CORIN: variants seen among roughly 807,000 people sequenced by gnomAD.
CORIN encodes corin, serine peptidase, also known as atrial natriuretic peptide-converting enzyme.
CORIN carries 117 observed loss-of-function variants against 125.3 expected under a neutral mutation model. The observed-to-expected ratio is 0.93, with a 90% confidence interval of 0.80 to 1.09. CORIN has a LOEUF of 1.09. Ranked by LOEUF, CORIN falls within the 50% of genes least tolerant of loss-of-function variation. The pLI is 0.00. For synonymous variants in CORIN, 450 were observed against 466.4 expected, an observed-to-expected ratio of 0.96 and a Z score of 0.45; for missense variants, 1,253 against 1,306.7, an observed-to-expected ratio of 0.96 and a Z score of 0.63.
At chr4:47,832,066 T>G (rs556004560) in intron 1 of CORIN, among the ~76,000 whole-genome samples, 8 of 152,304 alleles carry the variant, frequency 5.3e-5, no homozygotes, top group African/African-American at 1.9e-4. Flanking sequence ...GTGCTTTCAT[T>G]CTTGTAAAAA....
intron 5 of CORIN, among the ~76,000 whole-genome samples, chr4:47,698,266 TTAA>T (rs1726120390): frequency 6.6e-6 from 1 of 151,654 alleles, no homozygotes; most frequent in Non-Finnish European, 1.5e-5. Flanking sequence ...GGTAATAACA[TTAA>T]TATTATTAAT....
rs536071631 is a variant in CORIN at position 47,661,659 on chromosome 4, T to C, written c.1735+52A>G. On this transcript the variant is annotated intron_variant, in intron 12 of 21. Coordinates refer to ENST00000273857, the MANE Select transcript of CORIN (RefSeq NM_006587.4). The stretch of plus-strand genomic sequence containing the variant: ...AAATAGAAGAAATTCAAAAGGTAGC[T>C]AACATGTTCATCCATGTTAGATACC... 2.2e-5 allele frequency: 33 copies of C among 1,484,340 alleles called. No individual in the cohort carries two copies. In the Admixed American group the frequency reaches 3.7e-4, roughly 17 times the overall value. 91.9% of individuals were successfully genotyped at this position (1,484,340 alleles called of 1,614,324 possible).
At chr4:47,699,828 CT>C (rs1726207572) in intron 5 of CORIN, among the ~76,000 whole-genome samples, 1 of 152,236 alleles carries the variant, frequency 6.6e-6, no homozygotes, top group Non-Finnish European at 1.5e-5. Context: ...GGCATTTGCT[CT>C]TAGTAGGACA....
rs888462507 is a variant in CORIN at position 47,837,933 on chromosome 4, G to A, written c.17C>T (p.Ala6Val). 1.2e-6 allele frequency: 2 copies of A among 1,613,388 alleles called. No homozygotes were observed. The highest frequency in any genetic ancestry group is 1.7e-6 in the Non-Finnish European group (2 of 1,180,012). The change falls in exon 1 of 22, where the codon GCC becomes GTC. Residue 6 changes from alanine to valine, a missense_variant. By Grantham distance (64) the Ala-to-Val change is moderately conservative (BLOSUM62 0). Transcript: ENST00000273857. ...GCGGCAGCGCTCTTCCGGAGCGAGG[G>A]CAGGAGACTGTTTCATGGATAAAAA... MKQSP[A>V]LAPEERCRRA...
In CORIN at chr4:47,594,666, G is replaced by A. The variant is rs928775429; in HGVS notation, c.*1055C>T. 4 of 152,034 alleles carry A rather than the reference G, an allele frequency of 2.6e-5. No individual in the cohort carries two copies. The highest frequency in any genetic ancestry group is 4.4e-5 in the Non-Finnish European group (3 of 67,996). 9.4% of individuals were successfully genotyped at this position (152,034 alleles called of 1,614,324 possible). Reference sequence around the variant, plus strand: ...TATGACTTTGTTGGTATGGATGAACGCAAGAAAACTGAAAAATAAATTTAA... The same window carrying A: ...TATGACTTTGTTGGTATGGATGAACACAAGAAAACTGAAAAATAAATTTAA... On this transcript the variant is annotated 3_prime_UTR_variant, in exon 22 of 22. Transcript: ENST00000273857.
rs935108418 is a variant in CORIN, at chr4:47,699,756, A to G, written c.800-6673T>C. Among the ~76,000 whole-genome samples the G allele has an allele frequency of 7.8e-4, 118 of 152,228 alleles. 9 individuals are homozygous for G. Among genetic ancestry groups the G allele is most frequent in the Non-Finnish European group, 4.4e-5 (3 of 68,042 alleles). ...GAATAAACTACTGATGCAGGAATAA[A>G]AATCCCTTTGTGTTACAGTGTGATG... is the stretch of plus-strand genomic sequence containing the variant. On this transcript the variant is annotated intron_variant, in intron 5 of 21. Transcript: ENST00000273857.
intron 4 of CORIN, among the ~76,000 whole-genome samples, chr4:47,753,239 C>T (rs1016347604): frequency 2.0e-5 from 3 of 152,082 alleles, no homozygotes; most frequent in African/African-American, 7.2e-5. Flanking sequence ...TCACAAAGAT[C>T]ACATGCTTTA....
chr4:47,732,641 G>A (rs547166044), intron 5 of CORIN, among the ~76,000 whole-genome samples: 2 of 149,214 alleles, frequency 1.3e-5, no homozygotes, highest in South Asian at 4.2e-4. Context: ...TCAGCTCACT[G>A]CAACCTCCGC....
At chr4:47,610,072 C>T (rs993115632) in intron 19 of CORIN, among the ~76,000 whole-genome samples, 3 of 152,152 alleles carry the variant, frequency 2.0e-5, no homozygotes, top group African/African-American at 7.2e-5. Flanking sequence ...CATATGCATG[C>T]ATGTATCTTC....
At chr4:47,598,418 G>A (rs962420384) in intron 21 of CORIN, among the ~76,000 whole-genome samples, 1 of 152,042 alleles carries the variant, frequency 6.6e-6, no homozygotes, top group African/African-American at 2.4e-5. Context: ...ATACACCACT[G>A]AACTCCCACT....
At chr4:47,634,097 T>C (rs9917894) in intron 16 of CORIN, among the ~76,000 whole-genome samples, 39,731 of 152,040 alleles carry the variant, frequency 0.26, 5,419 homozygotes, top group Admixed American at 0.36. Context: ...GAAATGTAAT[T>C]GATTACTAAA....
At position 47,628,437 on chromosome 4, in the gene CORIN, C is replaced by CGTGTGT. The variant is rs35452886; in HGVS notation, c.2199-1922_2199-1917dup. Among the ~76,000 whole-genome samples, 1,378 of 147,462 alleles carry CGTGTGT rather than the reference C, an allele frequency of 9.3e-3. 12 individuals carry two copies. The highest frequency in any genetic ancestry group is 0.017 in the Middle Eastern group (5 of 290). On this transcript the variant is annotated intron_variant, in intron 16 of 21. Transcript: ENST00000273857. Reference sequence around the variant, plus strand: ...AAGCATATCTATCACCACATAGTTACGTGTGTGTGTGTGTGTGTGTGTGTG... The same window carrying CGTGTGT: ...AAGCATATCTATCACCACATAGTTACGTGTGTGTGTGTGTGTGTGTGTGTGTGTGTG...
chr4:47,689,782 T>C (rs1318482008), intron 6 of CORIN, among the ~76,000 whole-genome samples: 1 of 152,116 alleles, frequency 6.6e-6, no homozygotes, highest in Non-Finnish European at 1.5e-5. Flanking sequence ...GGCCGTCCAT[T>C]AGAATTACCT....
At chr4:47,832,134 G>A (rs2033897) in intron 1 of CORIN, among the ~76,000 whole-genome samples, 11,489 of 152,168 alleles carry the variant, frequency 0.076, 658 homozygotes, top group East Asian at 0.31. Context: ...TGTTGTATTA[G>A]TTTCTGCTGT....
intron 2 of CORIN, among the ~76,000 whole-genome samples, chr4:47,793,981 CAT>C (rs1291965572): frequency 6.6e-6 from 1 of 152,082 alleles, no homozygotes; most frequent in Non-Finnish European, 1.5e-5. Flanking sequence ...AAGCTTTAGA[CAT>C]AACATATAAC....
chr4:47,789,958 G>C (rs1351435082), intron 2 of CORIN, among the ~76,000 whole-genome samples: 5 of 152,166 alleles, frequency 3.3e-5, no homozygotes, highest in African/African-American at 1.2e-4. Flanking sequence ...GGAGGTGGAG[G>C]TTGCAGTGAG....
At chr4:47,739,966 C>T (rs1443163325) in intron 5 of CORIN, among the ~76,000 whole-genome samples, 1 of 151,682 alleles carries the variant, frequency 6.6e-6, no homozygotes, top group Non-Finnish European at 1.5e-5. Context: ...TTTAAAATGG[C>T]ACACCCCAAT....
intron 1 of CORIN, among the ~76,000 whole-genome samples, chr4:47,814,231 A>T (rs1732172594): frequency 6.6e-6 from 1 of 152,118 alleles, no homozygotes; most frequent in Non-Finnish European, 1.5e-5. Flanking sequence ...CTCCCTCTAA[A>T]CACTGTGGGG....
chr4:47,753,042 T>C (rs1728975282), intron 4 of CORIN, among the ~76,000 whole-genome samples: 1 of 152,206 alleles, frequency 6.6e-6, no homozygotes, highest in Non-Finnish European at 1.5e-5. Flanking sequence ...ATGTAGGTTC[T>C]TTCTATTTTC....
Sources: allele counts gnomAD v4.1 joint callset (sites outside exome capture counted in the v4.1 genomes callset), GRCh38; gene constraint gnomAD v4.1.1; transcripts MANE v1.5; gene names NCBI Gene and HGNC (gene_info 2026-07-23, HGNC 2026-07-21).